The following PGBD2 variants were observed in gnomAD, a reference collection of about 807,000 sequenced individuals.
PGBD2 encodes piggyBac transposable element derived 2, also known as piggyBac transposable element-derived protein 2.
In PGBD2, 6 loss-of-function variants were observed where a neutral mutation model predicts 8.1. The observed-to-expected ratio is 0.74, with a 90% CI of 0.40 to 1.46. PGBD2 has a LOEUF of 1.46. PGBD2 is among the 40% of genes most tolerant of loss of function. The pLI is 0.02. For missense variants in PGBD2, 802 were observed against 739.0 expected, an observed-to-expected ratio of 1.09 and a Z score of -0.99; for synonymous variants, 318 against 272.2, an observed-to-expected ratio of 1.17 and a Z score of -1.66.
chr1:248,918,248 T>TC lies in PGBD2; in HGVS notation c.1666dup (p.His556ProfsTer20), dbSNP rs2103118547. On this transcript the variant is annotated frameshift_variant, in exon 3 of 3. Coordinates refer to ENST00000329291, the MANE Select transcript of PGBD2 (RefSeq NM_170725.3). LOFTEE classifies it high-confidence loss of function. Reference sequence around the variant, plus strand: ...TTCGATATGATTGGGCACTGGATTATCCATCAGGACAAGAGGACCCGGTGT... The same window carrying TC: ...TTCGATATGATTGGGCACTGGATTATCCCATCAGGACAAGAGGACCCGGTGT... 1 of 1,613,958 alleles carries TC rather than the reference T, an allele frequency of 6.2e-7. No individual in the cohort carries two copies. Among genetic ancestry groups the TC allele is most frequent in the East Asian group, 2.2e-5 (1 of 44,890 alleles).
At chr1:248,882,118 A>G in the PGBD2 span, among the ~76,000 whole-genome samples, 2 of 152,178 alleles carry the variant, frequency 1.3e-5, no homozygotes, top group Non-Finnish European at 2.9e-5. Flanking sequence ...GCAGATCGGC[A>G]GGTTGAGAAA....
At chr1:248,915,794 G>C (rs1242665183) in intron 2 of PGBD2, among the ~76,000 whole-genome samples, 1 of 152,218 alleles carries the variant, frequency 6.6e-6, no homozygotes, top group East Asian at 1.9e-4. Context: ...CTTGAATTTG[G>C]GTAGTGAGAG....
the PGBD2 span, among the ~76,000 whole-genome samples, chr1:248,890,640 A>G: frequency 6.6e-6 from 1 of 151,760 alleles, no homozygotes; most frequent in Non-Finnish European, 1.5e-5. Context: ...CACATTATAC[A>G]CACACCACAC....
At chr1:248,927,926 T>C in the PGBD2 span, among the ~76,000 whole-genome samples, 2 of 152,078 alleles carry the variant, frequency 1.3e-5, no homozygotes, top group South Asian at 2.1e-4. Flanking sequence ...ACCAAAGTAA[T>C]ATACTGTAAA....
chr1:248,880,802 A>T, the PGBD2 span, among the ~76,000 whole-genome samples: 2 of 152,198 alleles, frequency 1.3e-5, no homozygotes, highest in Non-Finnish European at 2.9e-5. Flanking sequence ...TCTGATGACC[A>T]TCGGACTCCT....
the PGBD2 span, among the ~76,000 whole-genome samples, chr1:248,873,997 C>G: frequency 6.6e-6 from 1 of 152,134 alleles, no homozygotes; most frequent in South Asian, 2.1e-4. Flanking sequence ...CCGGAAGAAA[C>G]CCCAGAATTT....
In PGBD2 at chr1:248,917,160, C is replaced by T; in HGVS notation, c.576C>T (p.Ile192=). The T allele has an allele frequency of 6.2e-7, 1 of 1,614,112 alleles. No homozygotes were observed. The highest frequency in any genetic ancestry group is 8.5e-7 in the Non-Finnish European group (1 of 1,180,016). ...VLGILILSGY[I]SYPRRRMFWE... Reference sequence around the variant, plus strand: ...GCATTTTGATTTTAAGTGGGTACATCTCTTATCCAAGGAGAAGGATGTTCT... The same window carrying T: ...GCATTTTGATTTTAAGTGGGTACATTTCTTATCCAAGGAGAAGGATGTTCT... The change falls in exon 3 of 3, where the codon ATC becomes ATT. Residue 192 remains isoleucine (I), a synonymous_variant. Transcript: ENST00000329291.
the PGBD2 span, among the ~76,000 whole-genome samples, chr1:248,883,659 C>T: frequency 6.6e-4 from 93 of 141,792 alleles, no homozygotes; most frequent in South Asian, 0.014. Context: ...TGCAGTGGCA[C>T]GATCTCGGCT....
the PGBD2 span, among the ~76,000 whole-genome samples, chr1:248,874,655 T>G: frequency 6.6e-6 from 1 of 152,180 alleles, no homozygotes; most frequent in African/African-American, 2.4e-5. Context: ...TGGCACCTGT[T>G]GCCTAGAGGG....
chr1:248,885,409 A>G, the PGBD2 span, among the ~76,000 whole-genome samples: 18 of 151,696 alleles, frequency 1.2e-4, no homozygotes, highest in African/African-American at 3.9e-4. Flanking sequence ...CTGCATGGCT[A>G]GGACTACAGG....
At chr1:248,894,533 T>A in the PGBD2 span, among the ~76,000 whole-genome samples, 3 of 152,358 alleles carry the variant, frequency 2.0e-5, no homozygotes, top group East Asian at 5.8e-4. Context: ...TTTCCTATTG[T>A]GTATTCATGG....
chr1:248,901,528 G>A (rs970507456), upstream of PGBD2, among the ~76,000 whole-genome samples: 3 of 152,118 alleles, frequency 2.0e-5, no homozygotes, highest in African/African-American at 7.2e-5. Context: ...TGGGAAAACT[G>A]GCTAGCCATA....
downstream of PGBD2, among the ~76,000 whole-genome samples, chr1:248,920,445 C>T (rs1294152432): frequency 6.6e-6 from 1 of 152,170 alleles, no homozygotes; most frequent in African/African-American, 2.4e-5. Context: ...TGGTTTCCAG[C>T]TTCATCCATG....
upstream of PGBD2, among the ~76,000 whole-genome samples, chr1:248,901,865 T>G (rs1322641261): frequency 6.6e-6 from 1 of 152,238 alleles, no homozygotes; most frequent in Non-Finnish European, 1.5e-5. Flanking sequence ...TCTATTCATT[T>G]GACAAAGGTC....
chr1:248,902,011 G>T (rs897221209), upstream of PGBD2, among the ~76,000 whole-genome samples: 1 of 152,180 alleles, frequency 6.6e-6, no homozygotes, highest in African/African-American at 2.4e-5. Context: ...GTTCATGCCT[G>T]TGGTCCCAGC....
the PGBD2 span, among the ~76,000 whole-genome samples, chr1:248,894,422 C>T: frequency 6.6e-6 from 1 of 151,962 alleles, no homozygotes. Context: ...GTGGTTAATC[C>T]ATTTTGAGTT....
intron 1 of PGBD2, among the ~76,000 whole-genome samples, chr1:248,906,706 C>T (rs1313076701): frequency 2.9e-5 from 4 of 136,712 alleles, no homozygotes; most frequent in South Asian, 2.3e-4. Flanking sequence ...CTGAGGCTGG[C>T]GGCGGGACTG....
chr1:248,917,270 A>G lies in PGBD2; in HGVS notation c.686A>G (p.His229Arg), dbSNP rs921240056. The change falls in exon 3 of 3, where the codon CAT (histidine) becomes CGT (arginine). Residue 229 changes from histidine (H) to arginine (R), a missense_variant. Physicochemically the swap from His to Arg is conservative, Grantham distance 29 (BLOSUM62 0). Coordinates refer to ENST00000329291, the MANE Select transcript of PGBD2 (RefSeq NM_170725.3). ...DRFELIFSYL[H>R]FADNNELDAS... is the part of the protein sequence containing the mutation. ...TTTGAACTAATCTTCTCATACTTAC[A>G]TTTTGCAGATAACAACGAACTTGAT... 1.9e-6 allele frequency: 3 copies of G among 1,614,148 alleles called. No homozygotes were observed. Among genetic ancestry groups the G allele is most frequent in the South Asian group, 1.1e-5 (1 of 91,084 alleles).
chr1:248,889,271 G>C, the PGBD2 span, among the ~76,000 whole-genome samples: 2 of 152,090 alleles, frequency 1.3e-5, no homozygotes, highest in Non-Finnish European at 2.9e-5. Flanking sequence ...TGTAATCCTA[G>C]CTACTCAGGA....
Sources: gnomAD v4.1 joint callset for allele counts (sites outside exome capture counted in the v4.1 genomes callset) on GRCh38, gnomAD v4.1.1 for gene constraint, MANE v1.5 for transcripts, NCBI Gene and HGNC (gene_info 2026-07-23, HGNC 2026-07-21) for gene names.